Variants in TRAPPC9 observed in about 807,000 individuals in gnomAD.
TRAPPC9 encodes trafficking protein particle complex subunit 9, also known as IKK2 binding protein.
A neutral mutation model predicts 124.0 loss-of-function variants in TRAPPC9; 83 were observed. That is an observed-to-expected ratio of 0.67 (90% CI 0.56 to 0.80). The LOEUF (loss-of-function observed/expected upper bound fraction) is 0.80, where lower values mean the gene tolerates loss of function less well. TRAPPC9 is among the 30% of genes least tolerant of loss of function. The pLI is 0.00. For missense variants in TRAPPC9, 1,302 were observed against 1,508.3 expected (o/e 0.86, Z 2.27); for synonymous variants, 638 against 617.5 (o/e 1.03, Z -0.49).
rs1817720733 is a variant in TRAPPC9, at chr8:139,729,906, C to G, written c.*1155G>C. 1.3e-5 allele frequency among the ~76,000 whole-genome samples: 2 copies of G among 152,166 alleles called. No individual in the cohort carries two copies. Among genetic ancestry groups the G allele is most frequent in the Non-Finnish European group, 2.9e-5 (2 of 68,026 alleles). ...TGACGAGCCTGGTATCTGCTGGGGA[C>G]CAAGGGCTGTTTATCCTCCCTGGGA... On this transcript the variant is annotated 3_prime_UTR_variant, in exon 23 of 23. Coordinates refer to ENST00000438773, the MANE Select transcript of TRAPPC9 (RefSeq NM_001160372.4).
intron 17 of TRAPPC9, among the ~76,000 whole-genome samples, chr8:140,061,333 C>T (rs1842598925): frequency 6.6e-6 from 1 of 152,036 alleles, no homozygotes; most frequent in East Asian, 1.9e-4. Context: ...GCTCTTGAGG[C>T]CATATTTTAA....
At chr8:140,154,299 T>A (rs2061594817) in intron 17 of TRAPPC9, among the ~76,000 whole-genome samples, 1 of 152,126 alleles carries the variant, frequency 6.6e-6, no homozygotes, top group Non-Finnish European at 1.5e-5. Context: ...ATCCACCCAT[T>A]TCTCTCTGGC....
intron 5 of TRAPPC9, among the ~76,000 whole-genome samples, chr8:140,420,709 A>G (rs1384178338): frequency 1.3e-5 from 2 of 152,298 alleles, no homozygotes; most frequent in Admixed American, 6.5e-5. Context: ...AAAAATGTAT[A>G]AAGAGATAAA....
rs1389689399 is a variant in TRAPPC9, at chr8:139,776,570, AT to A, written c.3056-44369del. 6.6e-6 allele frequency among the ~76,000 whole-genome samples: 1 copy of A among 152,130 alleles called. No homozygotes were observed. Among genetic ancestry groups the A allele is most frequent in the Non-Finnish European group, 1.5e-5 (1 of 68,024 alleles). The stretch of plus-strand genomic sequence containing the variant: ...AGGCACAGCTGACCACCCAGGCCTC[AT>A]TCGCAGCTGTGTTCTGAACCTGGAC... On this transcript the variant is annotated intron_variant, in intron 21 of 22. Coordinates refer to ENST00000438773, the MANE Select transcript of TRAPPC9 (RefSeq NM_001160372.4). This position sits in a 1 kb window ranked among gnomAD's most constrained non-coding sequence, Gnocchi z 4.1.
chr8:139,863,400 C>T (rs1828302966), intron 21 of TRAPPC9, among the ~76,000 whole-genome samples: 1 of 152,158 alleles, frequency 6.6e-6, no homozygotes, highest in African/African-American at 2.4e-5. Flanking sequence ...GCGCCTGGCC[C>T]CTACATGCTC....
chr8:140,290,755 G>A (rs539081337), intron 12 of TRAPPC9, among the ~76,000 whole-genome samples: 1 of 152,208 alleles, frequency 6.6e-6, no homozygotes, highest in South Asian at 2.1e-4. Flanking sequence ...AACTAAGCTC[G>A]GCATGTGTTC....
At chr8:140,243,031 CA>C (rs2063897699) in intron 16 of TRAPPC9, among the ~76,000 whole-genome samples, 1 of 152,176 alleles carries the variant, frequency 6.6e-6, no homozygotes, top group African/African-American at 2.4e-5. Flanking sequence ...GGGACTGGTA[CA>C]AAACTGCTCA....
At chr8:140,336,035 A>G (rs1406099362) in intron 9 of TRAPPC9, among the ~76,000 whole-genome samples, 1 of 152,014 alleles carries the variant, frequency 6.6e-6, no homozygotes, top group East Asian at 1.9e-4. Flanking sequence ...TTATAATCTC[A>G]ATGACTCACT....
At chr8:139,979,538 C>G (rs970852675) in intron 19 of TRAPPC9, among the ~76,000 whole-genome samples, 2 of 152,168 alleles carry the variant, frequency 1.3e-5, no homozygotes, top group Non-Finnish European at 2.9e-5. Context: ...AGGCTGCGTC[C>G]AGCCAGTCCA....
At chr8:140,053,142 A>G (rs1311807524) in intron 17 of TRAPPC9, among the ~76,000 whole-genome samples, 1 of 152,234 alleles carries the variant, frequency 6.6e-6, no homozygotes, top group Non-Finnish European at 1.5e-5. Context: ...CATTGAAGGT[A>G]AGAATCATCA....
intron 14 of TRAPPC9, among the ~76,000 whole-genome samples, chr8:140,282,518 G>A (rs997564060): frequency 7.5e-6 from 1 of 132,794 alleles, no homozygotes; most frequent in African/African-American, 2.9e-5. Flanking sequence ...AAAAAAAAAA[G>A]ATTGTGCCAC....
intron 15 of TRAPPC9, among the ~76,000 whole-genome samples, chr8:140,258,504 T>A (rs1199906972): frequency 6.6e-6 from 1 of 152,244 alleles, no homozygotes; most frequent in Non-Finnish European, 1.5e-5. Flanking sequence ...ATCTCTCACC[T>A]AAACTGCACT....
chr8:140,110,134 C>T (rs1197666934), intron 17 of TRAPPC9, among the ~76,000 whole-genome samples: 1 of 140,290 alleles, frequency 7.1e-6, no homozygotes, highest in African/African-American at 3.1e-5. Flanking sequence ...CCTAGACTGC[C>T]AGGCTCTGCT....
intron 17 of TRAPPC9, among the ~76,000 whole-genome samples, chr8:140,110,955 C>G (rs899719471): frequency 1.1e-5 from 1 of 89,602 alleles, no homozygotes; most frequent in African/African-American, 4.7e-5. Flanking sequence ...TGCAGTAGCT[C>G]CCCCCTGCAG....
intron 21 of TRAPPC9, among the ~76,000 whole-genome samples, chr8:139,848,868 T>C (rs1169873450): frequency 1.3e-5 from 2 of 152,194 alleles, no homozygotes; most frequent in East Asian, 3.9e-4. Context: ...TCAGCAGGTG[T>C]GCTGTCTAGC....
intron 15 of TRAPPC9, among the ~76,000 whole-genome samples, chr8:140,255,150 T>C (rs1308230117): frequency 6.6e-6 from 1 of 152,182 alleles, no homozygotes; most frequent in African/African-American, 2.4e-5. Flanking sequence ...TAAAGAAGGA[T>C]ACTAACACAG....
chr8:139,910,082 T>C, intron 20 of TRAPPC9, 65 bp downstream of exon 20: 2 of 1,593,988 alleles, frequency 1.3e-6, no homozygotes, highest in Non-Finnish European at 1.7e-6. Context: ...TCACGGGTCT[T>C]TCTTAGAGGT....
intron 17 of TRAPPC9, among the ~76,000 whole-genome samples, chr8:140,196,430 C>T (rs2062668300): frequency 2.2e-5 from 2 of 92,196 alleles, no homozygotes; most frequent in Non-Finnish European, 4.3e-5. Flanking sequence ...ACAGCTCACA[C>T]CTGTGACACT....
chr8:139,847,249 T>C (rs568941085), intron 21 of TRAPPC9, among the ~76,000 whole-genome samples: 7 of 152,248 alleles, frequency 4.6e-5, no homozygotes, highest in Non-Finnish European at 8.8e-5. Context: ...GCAAAACCAA[T>C]AGAGGTTTTC....
Sources: gnomAD v4.1 joint callset for allele counts (sites outside exome capture counted in the v4.1 genomes callset) on GRCh38, gnomAD v4.1.1 for gene constraint, Gnocchi (gnomAD v3.1) non-coding constraint, MANE v1.5 for transcripts, NCBI Gene and HGNC (gene_info 2026-07-23, HGNC 2026-07-21) for gene names.